The following APOBEC3C variants were observed in gnomAD, a reference collection of about 807,000 sequenced individuals.
APOBEC3C encodes the protein apolipoprotein B mRNA editing enzyme catalytic subunit 3C, also known as DNA dC->dU-editing enzyme APOBEC-3C.
Under a neutral mutation model 20.6 loss-of-function variants are expected in APOBEC3C, and 14 were observed. The ratio of observed to expected loss-of-function variants is 0.68; its 90% CI spans 0.45 to 1.06. The LOEUF (loss-of-function observed/expected upper bound fraction) is 1.06. Among genes scored for constraint, APOBEC3C ranks in the 50% least tolerant of loss-of-function variants. The pLI is 0.00. For synonymous variants in APOBEC3C, 98 were observed against 88.8 expected (o/e 1.10, Z -0.58); for missense variants, 244 against 241.9 (o/e 1.01, Z -0.06).
intron 3 of APOBEC3C, 75 bp downstream of exon 3, chr22:39,018,120 G>C: frequency 6.3e-7 from 1 of 1,585,114 alleles, no homozygotes. Flanking sequence ...CAATGCTGTG[G>C]GGCGGGTCAG....
intron 2 of APOBEC3C, 88 bp from the exon 3 acceptor site, chr22:39,017,677 AG>A: frequency 1.3e-6 from 2 of 1,486,402 alleles, no homozygotes; most frequent in Non-Finnish European, 1.8e-6. Context: ...CCGGGGCTCC[AG>A]GCCCGCCCTC....
rs746001060 is a variant in APOBEC3C, at chr22:39,017,957, C to G, written c.366C>G (p.Arg122=). 6.2e-7 allele frequency: 1 copy of G among 1,614,214 alleles called. No homozygotes were observed. Among genetic ancestry groups the G allele is most frequent in the East Asian group, 2.2e-5 (1 of 44,882 alleles). ...SNVNLTIFTA[R]LYYFQYPCYQ... ...TGAATCTCACCATCTTCACCGCCCGCCTCTACTACTTCCAGTATCCATGTT... is the reference window on the plus strand; with the variant it reads ...TGAATCTCACCATCTTCACCGCCCGGCTCTACTACTTCCAGTATCCATGTT... The change falls in exon 3 of 4, where the codon CGC becomes CGG. Residue 122 remains arginine, a synonymous_variant. Coordinates refer to ENST00000361441, the MANE Select transcript of APOBEC3C (RefSeq NM_014508.3).
chr22:39,015,733 G>C lies in APOBEC3C; in HGVS notation c.156G>C (p.Thr52=), dbSNP rs199759775. The change falls in exon 2 of 4, where the codon ACG becomes ACC. Residue 52 remains threonine, a synonymous_variant. Coordinates refer to ENST00000361441, the MANE Select transcript of APOBEC3C (RefSeq NM_014508.3). ...IKRRSVVSWK[T]GVFRNQVDSE... ...GCCGCTCAGTTGTCTCCTGGAAGAC[G>C]GGCGTCTTCCGAAACCAGGTAGCAC... 2.5e-5 allele frequency: 40 copies of C among 1,613,752 alleles called. 1 individual carries two copies. Among genetic ancestry groups the C allele is most frequent in the Non-Finnish European group, 3.3e-5 (39 of 1,179,934 alleles).
chr22:39,014,496 C>G, intron 1 of APOBEC3C, 117 bp downstream of exon 1: 2 of 1,278,954 alleles, frequency 1.6e-6, no homozygotes, highest in Non-Finnish European at 2.2e-6. Flanking sequence ...TCCCTCCCCC[C>G]TGGTTCCCCC....
Position 39,018,717 on chromosome 22 carries a change from C to T in APOBEC3C, c.*330C>T, listed in dbSNP as rs76306491. On this transcript the variant is annotated 3_prime_UTR_variant, in exon 4 of 4. Transcript: ENST00000361441. Reference sequence around the variant, plus strand: ...ATCCTAGGCTGGGCATGGTGACTCACGCCTGTAATCCCCCAGCAATTTGGG... The same window carrying T: ...ATCCTAGGCTGGGCATGGTGACTCATGCCTGTAATCCCCCAGCAATTTGGG... The T allele has an allele frequency of 0.014, 2,546 of 178,180 alleles. 78 individuals are homozygous for T. Among genetic ancestry groups the T allele is most frequent in the African/African-American group, 0.057 (2,403 of 41,868 alleles). 11.0% of individuals were successfully genotyped at this position (178,180 alleles called of 1,614,324 possible).
chr22:39,018,170 T>G, intron 3 of APOBEC3C, 99 bp from the exon 4 acceptor site: 1 of 1,568,438 alleles, frequency 6.4e-7, no homozygotes, highest in Non-Finnish European at 8.6e-7. Flanking sequence ...CAGCGCCCAC[T>G]GCAACTGGCA....
At chr22:39,016,930 A>C (rs1225191223) in intron 2 of APOBEC3C, among the ~76,000 whole-genome samples, 1 of 152,208 alleles carries the variant, frequency 6.6e-6, no homozygotes, top group Non-Finnish European at 1.5e-5. Flanking sequence ...AAGAATCAAT[A>C]AAATAAAGAA....
chr22:39,017,037 G>C (rs946386722), intron 2 of APOBEC3C, among the ~76,000 whole-genome samples: 4 of 152,176 alleles, frequency 2.6e-5, no homozygotes, highest in Non-Finnish European at 4.4e-5. Flanking sequence ...TTCGAGACCA[G>C]CCTGGCTAAC....
chr22:39,018,205 G>A, intron 3 of APOBEC3C, 64 bp from the exon 4 acceptor site: 2 of 1,578,950 alleles, frequency 1.3e-6, no homozygotes, highest in South Asian at 1.2e-5. Context: ...GCTGGGAGGG[G>A]AGGGCCCAGG....
intron 3 of APOBEC3C, 46 bp from the exon 4 acceptor site, chr22:39,018,223 G>C (rs759785199): frequency 6.3e-7 from 1 of 1,597,594 alleles, no homozygotes; most frequent in Non-Finnish European, 8.6e-7. Flanking sequence ...AGGGCCAGGA[G>C]AGAGGCCTGC....
At chr22:39,016,340 C>T (rs557322705) in intron 2 of APOBEC3C, among the ~76,000 whole-genome samples, 19 of 151,426 alleles carry the variant, frequency 1.3e-4, no homozygotes, top group Admixed American at 1.1e-3. Flanking sequence ...GCTGGGACTA[C>T]AGGCGCCCAC....
Position 39,019,999 on chromosome 22 carries a change from T to C in APOBEC3C, c.*1612T>C, listed in dbSNP as rs1453487016. On this transcript the variant is annotated 3_prime_UTR_variant, in exon 4 of 4. Transcript: ENST00000361441. ...TTAGTAGAGATGGGGTCTCACCATG[T>C]TGGCCAGACTGGTCTCGAACTCCTG... 6.6e-6 allele frequency: 1 copy of C among 152,020 alleles called. No homozygotes were observed. Among genetic ancestry groups the C allele is most frequent in the East Asian group, 1.9e-4 (1 of 5,186 alleles). 9.4% of individuals were successfully genotyped at this position (152,020 alleles called of 1,614,324 possible).
Position 39,015,694 on chromosome 22 carries a change from G to A in APOBEC3C, c.117G>A (p.Val39=). 1.9e-6 allele frequency: 3 copies of A among 1,614,108 alleles called. No individual in the cohort carries two copies. Among genetic ancestry groups the A allele is most frequent in the Non-Finnish European group, 2.5e-6 (3 of 1,180,028 alleles). The change falls in exon 2 of 4, where the codon GTG becomes GTA. Residue 39 remains valine (V), a synonymous_variant. Transcript: ENST00000361441. The part of the protein sequence containing the change: ...DRNETWLCFT[V]EGIKRRSVVS... ...ACGAAACTTGGCTGTGCTTCACCGT[G>A]GAAGGTATAAAGCGCCGCTCAGTTG...
rs999723186 is a variant in APOBEC3C at position 39,019,300 on chromosome 22, T to A, written c.*913T>A. Reference sequence around the variant, plus strand: ...GACTCCTTGCTCCAAACGCAGCGACTCAGCAATAGAACCTCCCAGCTCCCA... The same window carrying A: ...GACTCCTTGCTCCAAACGCAGCGACACAGCAATAGAACCTCCCAGCTCCCA... On this transcript the variant is annotated 3_prime_UTR_variant, in exon 4 of 4. Coordinates refer to ENST00000361441, the MANE Select transcript of APOBEC3C (RefSeq NM_014508.3). 1 of 152,202 alleles carries A rather than the reference T, an allele frequency of 6.6e-6. No homozygotes were observed. Among genetic ancestry groups the A allele is most frequent in the Non-Finnish European group, 1.5e-5 (1 of 68,058 alleles). 9.4% of individuals were successfully genotyped at this position (152,202 alleles called of 1,614,324 possible).
At chr22:39,014,557 C>G (rs1000330400) in intron 1 of APOBEC3C, among the ~76,000 whole-genome samples, 178 bp downstream of exon 1, 1 of 151,638 alleles carries the variant, frequency 6.6e-6, no homozygotes, top group Non-Finnish European at 1.5e-5. Flanking sequence ...GGTCCCACGA[C>G]TGCTGCTTCT....
Position 39,017,755 on chromosome 22 carries a change from TCCTTCG to T in APOBEC3C, c.175-8_175-3del, listed in dbSNP as rs1040799850. The T allele has an allele frequency of 6.2e-7, 1 of 1,610,528 alleles. No individual in the cohort carries two copies. Among genetic ancestry groups the T allele is most frequent in the African/African-American group, 1.3e-5 (1 of 74,814 alleles). ...CTGAGCTCCCCTGTCCTCCTCCTCC[TCCTTCG>T]CCAGGTGGATTCTGAGACCCATTGT... On this transcript the variant is annotated splice_polypyrimidine_tract_variant and splice_region_variant and intron_variant, in intron 2 of 3. Transcript: ENST00000361441.
Position 39,017,836 on chromosome 22 carries a change from C to T in APOBEC3C, c.245C>T (p.Pro82Leu). The change falls in exon 3 of 4, where the codon CCT (proline) becomes CTT (leucine). Residue 82 changes from proline (P) to leucine (L), a missense_variant. By Grantham distance (98) the Pro-to-Leu change is moderately conservative. Coordinates refer to ENST00000361441, the MANE Select transcript of APOBEC3C (RefSeq NM_014508.3). ...TGGTTCTGCGACGACATACTGTCTC[C>T]TAACACAAAGTACCAGGTCACCTGG... is the stretch of plus-strand genomic sequence containing the variant. ...LSWFCDDILS[P>L]NTKYQVTWYT... The T allele has an allele frequency of 6.2e-7, 1 of 1,614,096 alleles. No homozygotes were observed. Among genetic ancestry groups the T allele is most frequent in the Non-Finnish European group, 8.5e-7 (1 of 1,179,978 alleles).
At chr22:39,014,577 A>G (rs1012373664) in intron 1 of APOBEC3C, among the ~76,000 whole-genome samples, 198 bp downstream of exon 1, 1 of 146,506 alleles carries the variant, frequency 6.8e-6, no homozygotes, top group African/African-American at 2.5e-5. Flanking sequence ...TGAATGGGCC[A>G]CCTTCCCCAC....
At position 39,017,898 on chromosome 22, in the gene APOBEC3C, G is replaced by A. The variant is rs1924854011; in HGVS notation, c.307G>A (p.Glu103Lys). The A allele has an allele frequency of 2.5e-6, 4 of 1,614,200 alleles. No homozygotes were observed. The East Asian group carries it at 6.7e-5, about 27-fold the overall frequency. Residue 103 changes from glutamate to lysine, a missense_variant, in exon 3 of 4, where the codon GAG (glutamate) becomes AAG (lysine). Physicochemically the swap from Glu to Lys is moderately conservative, Grantham distance 56 (BLOSUM62 1). Coordinates refer to ENST00000361441, the MANE Select transcript of APOBEC3C (RefSeq NM_014508.3). Reference protein sequence around the residue: ...SWSPCPDCAGEVAEFLARHSN... With the variant: ...SWSPCPDCAGKVAEFLARHSN... ...GAGCCCTTGCCCAGACTGTGCAGGG[G>A]AGGTGGCCGAGTTCCTGGCCAGGCA...
Sources: gnomAD v4.1 joint callset for allele counts (sites outside exome capture counted in the v4.1 genomes callset) on GRCh38, gnomAD v4.1.1 for gene constraint, MANE v1.5 for transcripts, NCBI Gene and HGNC (gene_info 2026-07-23, HGNC 2026-07-21) for gene names.